Variants in LYPD6 observed in about 807,000 individuals in gnomAD.
LYPD6 encodes ly6/PLAUR domain-containing protein 6.
LYPD6 carries 15 observed loss-of-function variants against 22.7 expected under a neutral mutation model. The observed-to-expected ratio is 0.66, with a 90% CI of 0.44 to 1.02. The LOEUF is 1.02. Ranked by LOEUF, LYPD6 falls within the 50% of genes least tolerant of loss-of-function variation. LYPD6 has a pLI of 0.00. For missense variants in LYPD6, 189 were observed against 208.4 expected (o/e 0.91, Z 0.57); for synonymous variants, 72 against 77.5 (o/e 0.93, Z 0.37).
At chr2:149,398,067 A>T (rs1308871265) in intron 1 of LYPD6, among the ~76,000 whole-genome samples, 1 of 152,230 alleles carries the variant, frequency 6.6e-6, no homozygotes, top group Admixed American at 6.5e-5. Flanking sequence ...ATAAACATGT[A>T]AACACAATAG....
At chr2:149,418,952 G>T (rs931030181) in intron 1 of LYPD6, among the ~76,000 whole-genome samples, 30 of 152,202 alleles carry the variant, frequency 2.0e-4, no homozygotes, top group African/African-American at 6.5e-4. Flanking sequence ...AAACCAGGCT[G>T]CTTCAATTCA....
At chr2:149,466,287 G>T (rs1488779201) in intron 3 of LYPD6, among the ~76,000 whole-genome samples, 1 of 152,154 alleles carries the variant, frequency 6.6e-6, no homozygotes. Flanking sequence ...TTAAACCACA[G>T]AACCTTTTTC....
At chr2:149,448,876 C>G (rs893569535) in intron 2 of LYPD6, among the ~76,000 whole-genome samples, 173 bp from the exon 3 acceptor site, 33 of 152,184 alleles carry the variant, frequency 2.2e-4, no homozygotes, top group African/African-American at 7.2e-4. Flanking sequence ...ATGTTCATTT[C>G]TCAGGGACAG....
chr2:149,454,254 C>T (rs1301110108), intron 3 of LYPD6, among the ~76,000 whole-genome samples: 1 of 152,180 alleles, frequency 6.6e-6, no homozygotes, highest in East Asian at 1.9e-4. Context: ...TGTGTTTCCA[C>T]CCATATGAAG....
At chr2:149,352,426 T>C (rs1681375359) in intron 1 of LYPD6, among the ~76,000 whole-genome samples, 1 of 152,150 alleles carries the variant, frequency 6.6e-6, no homozygotes, top group African/African-American at 2.4e-5. Flanking sequence ...GATGTGACAG[T>C]GGCTGCAAGT....
At chr2:149,467,587 G>A (rs980753939) in intron 3 of LYPD6, among the ~76,000 whole-genome samples, 4 of 152,070 alleles carry the variant, frequency 2.6e-5, no homozygotes, top group East Asian at 1.9e-4. Flanking sequence ...GGGGAGAGGG[G>A]AGGAATTTGT....
chr2:149,474,632 T>TA (rs2105189103), downstream of LYPD6, among the ~76,000 whole-genome samples: 1 of 152,346 alleles, frequency 6.6e-6, no homozygotes, highest in East Asian at 1.9e-4. Flanking sequence ...GTGTGGTACT[T>TA]ACATGAAGAT....
intron 2 of LYPD6, among the ~76,000 whole-genome samples, chr2:149,448,012 G>A (rs1457702871): frequency 6.6e-6 from 1 of 152,174 alleles, no homozygotes; most frequent in Non-Finnish European, 1.5e-5. Flanking sequence ...CTATAGCATA[G>A]GCCGGGTGTG....
At chr2:149,356,301 C>T (rs1487641722) in intron 1 of LYPD6, among the ~76,000 whole-genome samples, 1 of 152,156 alleles carries the variant, frequency 6.6e-6, no homozygotes. Flanking sequence ...CAGATATCAA[C>T]ATGGACCAAT....
intron 1 of LYPD6, among the ~76,000 whole-genome samples, chr2:149,391,076 C>G (rs1173340014): frequency 6.6e-6 from 1 of 152,162 alleles, no homozygotes; most frequent in Non-Finnish European, 1.5e-5. Flanking sequence ...TATATATTCA[C>G]AAAGAAGAAT....
intron 1 of LYPD6, among the ~76,000 whole-genome samples, chr2:149,404,524 GCTCT>G (rs923890946): frequency 6.6e-5 from 10 of 152,060 alleles, no homozygotes; most frequent in African/African-American, 1.7e-4. Flanking sequence ...TCATGATTTG[GCTCT>G]CTGTTTGTCT....
At chr2:149,378,986 A>G (rs972496459) in intron 1 of LYPD6, among the ~76,000 whole-genome samples, 1 of 152,244 alleles carries the variant, frequency 6.6e-6, no homozygotes, top group African/African-American at 2.4e-5. Flanking sequence ...ATATTTGAGG[A>G]TGCCAAGAAT....
intron 1 of LYPD6, among the ~76,000 whole-genome samples, chr2:149,419,513 T>A (rs2105130918): frequency 6.6e-6 from 1 of 152,358 alleles, no homozygotes; most frequent in African/African-American, 2.4e-5. Flanking sequence ...CAGTCACACA[T>A]TTCAGTTGTG....
At chr2:149,409,293 G>C (rs968286358) in intron 1 of LYPD6, among the ~76,000 whole-genome samples, 1 of 152,232 alleles carries the variant, frequency 6.6e-6, no homozygotes, top group Non-Finnish European at 1.5e-5. Flanking sequence ...ACCAGCACCT[G>C]CTCTGGTGGA....
chr2:149,477,291 A>G (rs1206523332), downstream of LYPD6, among the ~76,000 whole-genome samples: 1 of 152,152 alleles, frequency 6.6e-6, no homozygotes, highest in African/African-American at 2.4e-5. Context: ...CAGACCTCCC[A>G]TGAATGCCCT....
intron 3 of LYPD6, among the ~76,000 whole-genome samples, chr2:149,454,555 C>G (rs908477438): frequency 6.6e-6 from 1 of 152,118 alleles, no homozygotes; most frequent in Non-Finnish European, 1.5e-5. Context: ...GAACATTCTT[C>G]TGTATGTCTT....
At chr2:149,475,319 AT>A (rs902575593), downstream of LYPD6, among the ~76,000 whole-genome samples, 1 of 152,122 alleles carries the variant, frequency 6.6e-6, no homozygotes, top group Admixed American at 6.6e-5. Context: ...AGATTCAGAT[AT>A]TTTTCTAAGA....
At chr2:149,356,188 T>C (rs1168087905) in intron 1 of LYPD6, among the ~76,000 whole-genome samples, 2 of 152,112 alleles carry the variant, frequency 1.3e-5, no homozygotes, top group African/African-American at 2.4e-5. Context: ...TGCTGAAATG[T>C]ACACATCTCA....
chr2:149,429,758 G>A (rs1427931659), intron 1 of LYPD6, among the ~76,000 whole-genome samples: 1 of 152,188 alleles, frequency 6.6e-6, no homozygotes, highest in Non-Finnish European at 1.5e-5. Flanking sequence ...TGTGGCTATG[G>A]AATAGAAGGG....
Sources: gnomAD v4.1 joint callset for allele counts (sites outside exome capture counted in the v4.1 genomes callset) on GRCh38, gnomAD v4.1.1 for gene constraint, MANE v1.5 for transcripts, NCBI Gene and HGNC (gene_info 2026-07-23, HGNC 2026-07-21) for gene names.